Variants in ANKS1B observed in about 807,000 individuals in gnomAD.
The protein encoded by ANKS1B is ankyrin repeat and sterile alpha motif domain containing 1B.
In ANKS1B, 36 loss-of-function variants were observed where a neutral mutation model predicts 148.3. The ratio of observed to expected loss-of-function variants is 0.24; its 90% CI spans 0.19 to 0.32. ANKS1B has a LOEUF of 0.32. ANKS1B is among the 10% of genes least tolerant of loss of function. ANKS1B has a pLI of 1.00. For synonymous variants in ANKS1B, 542 were observed against 560.8 expected (o/e 0.97, Z 0.47); for missense variants, 1,157 against 1,542.6 (o/e 0.75, Z 4.19).
intron 10 of ANKS1B, among the ~76,000 whole-genome samples, chr12:99,494,517 A>T (rs2096584178): frequency 6.6e-6 from 1 of 152,016 alleles, no homozygotes; most frequent in African/African-American, 2.4e-5. Flanking sequence ...GCGGGTTACG[A>T]GGTCAGGAGA....
At chr12:99,462,095 C>T (rs1361749273) in intron 10 of ANKS1B, among the ~76,000 whole-genome samples, 1 of 152,236 alleles carries the variant, frequency 6.6e-6, no homozygotes, top group African/African-American at 2.4e-5. Flanking sequence ...ACCACATACA[C>T]TGAGCAAAAC....
rs902808648 is a variant in ANKS1B at position 99,731,434 on chromosome 12, G to C, written c.1128+41488C>G. The stretch of plus-strand genomic sequence containing the variant: ...GTGCCGTGTGTGTGTGTGTGTGTGT[G>C]TGTGTGTGTGTGTGTGTGTGTGTGT... On this transcript the variant is annotated intron_variant, in intron 8 of 26. Transcript: ENST00000683438. Among the ~76,000 whole-genome samples, 163 of 149,784 alleles carry C rather than the reference G, an allele frequency of 1.1e-3. 1 individual carries two copies. Among genetic ancestry groups the C allele is most frequent in the African/African-American group, 3.6e-3 (148 of 41,226 alleles).
chr12:99,645,187 A>T (rs144065678), intron 9 of ANKS1B, among the ~76,000 whole-genome samples: 2 of 152,340 alleles, frequency 1.3e-5, no homozygotes, highest in African/African-American at 4.8e-5. Flanking sequence ...CATATTTTCA[A>T]TTACATAGTT....
At chr12:99,530,424 G>A (rs569340904) in intron 9 of ANKS1B, among the ~76,000 whole-genome samples, 16 of 152,152 alleles carry the variant, frequency 1.1e-4, no homozygotes, top group Non-Finnish European at 1.3e-4. Flanking sequence ...TTAGGAGTCA[G>A]TTAACTTCCC....
chr12:99,970,130 T>C (rs1034578441), intron 1 of ANKS1B, among the ~76,000 whole-genome samples: 5 of 152,294 alleles, frequency 3.3e-5, no homozygotes, highest in African/African-American at 9.6e-5. Context: ...CACATAAGAA[T>C]GTTCTAGGGG....
At chr12:99,309,872 T>C (rs1350227597) in intron 12 of ANKS1B, among the ~76,000 whole-genome samples, 1 of 152,152 alleles carries the variant, frequency 6.6e-6, no homozygotes, top group Non-Finnish European at 1.5e-5. Flanking sequence ...TTAAGAACAT[T>C]ACTTAAAGAT....
intron 10 of ANKS1B, among the ~76,000 whole-genome samples, chr12:99,490,878 G>A (rs1259331152): frequency 2.6e-5 from 4 of 152,164 alleles, no homozygotes; most frequent in African/African-American, 9.7e-5. Flanking sequence ...ATGCAGGTAA[G>A]GTGAATAGTT....
chr12:99,050,909 A>G (rs2099965605), intron 17 of ANKS1B, among the ~76,000 whole-genome samples: 3 of 151,186 alleles, frequency 2.0e-5, no homozygotes, highest in South Asian at 4.2e-4. Context: ...CATGTTAGCC[A>G]GGATGGTCTG....
At chr12:99,361,818 T>C (rs555791171) in intron 12 of ANKS1B, among the ~76,000 whole-genome samples, 326 of 152,130 alleles carry the variant, frequency 2.1e-3, no homozygotes, top group African/African-American at 7.3e-3. Context: ...GTGGGGGAAA[T>C]GATGAACATT....
intron 4 of ANKS1B, among the ~76,000 whole-genome samples, chr12:99,793,787 C>A (rs868253672): frequency 6.6e-6 from 1 of 151,852 alleles, no homozygotes; most frequent in Admixed American, 6.6e-5. Context: ...TAATACCCCA[C>A]AAGTACAAAC....
In ANKS1B at chr12:99,005,720, G is replaced by A. The variant is rs548701704; in HGVS notation, c.2778+47437C>T. ...TATTCCTGTTTAGGAATGTGTAGTTGCCCTTGGGCTTTCTCAGTTATAAGA... is the reference window on the plus strand; with the variant it reads ...TATTCCTGTTTAGGAATGTGTAGTTACCCTTGGGCTTTCTCAGTTATAAGA... On this transcript the variant is annotated intron_variant, in intron 17 of 26. Transcript: ENST00000683438. Among the ~76,000 whole-genome samples the A allele has an allele frequency of 7.9e-5, 12 of 152,270 alleles. No individual in the cohort carries two copies. In the South Asian group the frequency reaches 2.3e-3, roughly 29 times the overall value.
At chr12:99,247,906 C>A (rs540024644) in intron 12 of ANKS1B, among the ~76,000 whole-genome samples, 2 of 152,206 alleles carry the variant, frequency 1.3e-5, no homozygotes, top group African/African-American at 4.8e-5. Context: ...AAATGTGGTA[C>A]ATAATGACAA....
At chr12:99,090,834 G>A (rs2053753339) in intron 15 of ANKS1B, among the ~76,000 whole-genome samples, 1 of 152,018 alleles carries the variant, frequency 6.6e-6, no homozygotes, top group Admixed American at 6.6e-5. Context: ...GTCAGTGTTG[G>A]AACAAAGCTT....
At chr12:99,167,204 T>C (rs1214071186) in intron 14 of ANKS1B, among the ~76,000 whole-genome samples, 2 of 151,952 alleles carry the variant, frequency 1.3e-5, no homozygotes. Flanking sequence ...AACCTTACAG[T>C]AGGCACCAGA....
At chr12:99,406,517 C>T (rs1237959099) in intron 11 of ANKS1B, among the ~76,000 whole-genome samples, 2 of 144,968 alleles carry the variant, frequency 1.4e-5, no homozygotes, top group Non-Finnish European at 3.0e-5. Context: ...CTATGGGCTA[C>T]AGCAAAAGCA....
At chr12:99,849,589 A>T (rs543774907) in intron 1 of ANKS1B, among the ~76,000 whole-genome samples, 64 of 152,302 alleles carry the variant, frequency 4.2e-4, no homozygotes, top group African/African-American at 1.3e-3. Context: ...TGTTCATAAT[A>T]GTGCAAAACT....
downstream of ANKS1B, among the ~76,000 whole-genome samples, chr12:98,742,553 C>T (rs1399776148): frequency 6.6e-6 from 1 of 152,184 alleles, no homozygotes; most frequent in Non-Finnish European, 1.5e-5. Context: ...AATAAGTAGA[C>T]CGACTTGAGC....
At chr12:99,488,109 T>G (rs535388992) in intron 10 of ANKS1B, among the ~76,000 whole-genome samples, 116 of 152,300 alleles carry the variant, frequency 7.6e-4, no homozygotes, top group Admixed American at 1.7e-3. Context: ...CTTTTTAATG[T>G]TTTTAGCCTT....
chr12:99,806,519 G>C lies in ANKS1B; in HGVS notation c.554C>G (p.Pro185Arg). 1 of 1,613,928 alleles carries C rather than the reference G, an allele frequency of 6.2e-7. No homozygotes were observed. Among genetic ancestry groups the C allele is most frequent in the Non-Finnish European group, 8.5e-7 (1 of 1,179,866 alleles). Residue 185 changes from proline to arginine, a missense_variant, in exon 4 of 27, where the codon CCT becomes CGT. Pro to Arg is a moderately radical substitution (Grantham distance 103, BLOSUM62 -2). Around this residue, in one of 6 missense-constraint regions of ANKS1B, gnomAD observed 164 missense variants for 232.6 expected, o/e 0.71. Coordinates refer to ENST00000683438, the MANE Select transcript of ANKS1B (RefSeq NM_001352186.2). ...GCGAGTGTTGCAGCTCATTAAGTTA[G>C]GATGTGCACTGATGATCATTTTTAC... ...RVVKMIISAH[P>R]NLMSCNTRKH...
Sources: gnomAD v4.1 joint callset for allele counts (sites outside exome capture counted in the v4.1 genomes callset) on GRCh38, gnomAD v4.1.1 for gene constraint, gnomAD v4.1.1 regional missense constraint, MANE v1.5 for transcripts, NCBI Gene and HGNC (gene_info 2026-07-23, HGNC 2026-07-21) for gene names.